The following RCBTB1 variants were observed in gnomAD, a reference collection of about 807,000 sequenced individuals.
The protein encoded by RCBTB1 is RCC1 and BTB domain containing protein 1.
RCBTB1 carries 46 observed loss-of-function variants against 62.4 expected under a neutral mutation model. That is an observed-to-expected ratio of 0.74 (90% CI 0.58 to 0.94). The LOEUF is 0.94. Among genes scored for constraint, RCBTB1 ranks in the 40% least tolerant of loss-of-function variants. The pLI is 0.00. For synonymous variants in RCBTB1, 222 were observed against 245.8 expected (o/e 0.90, Z 0.91); for missense variants, 565 against 654.9 (o/e 0.86, Z 1.50).
intron 2 of RCBTB1, among the ~76,000 whole-genome samples, chr13:49,573,895 T>C (rs530667549): frequency 2.0e-5 from 3 of 150,266 alleles, no homozygotes; most frequent in Non-Finnish European, 4.4e-5. Context: ...GCAATTCTTG[T>C]GCCTCAGCCT....
At chr13:49,550,525 A>G in intron 8 of RCBTB1, 2 of 441,754 alleles carry the variant, frequency 4.5e-6, no homozygotes, top group Non-Finnish European at 6.0e-6. Context: ...CATCTATTCC[A>G]GTAACACATA....
chr13:49,536,609 T>C (rs1229438480), intron 12 of RCBTB1, among the ~76,000 whole-genome samples: 5 of 152,106 alleles, frequency 3.3e-5, no homozygotes, highest in Admixed American at 3.3e-4. Flanking sequence ...AATAAAACAG[T>C]TCCAAGGAGG....
At chr13:49,568,861 G>A (rs1267200574) in intron 2 of RCBTB1, among the ~76,000 whole-genome samples, 5 of 152,142 alleles carry the variant, frequency 3.3e-5, no homozygotes, top group African/African-American at 4.8e-5. Context: ...CCCGGGAGGC[G>A]GAGGTTGCAG....
At chr13:49,571,977 C>T (rs112464061) in intron 2 of RCBTB1, among the ~76,000 whole-genome samples, 141 of 152,268 alleles carry the variant, frequency 9.3e-4, no homozygotes, top group African/African-American at 3.2e-3. Flanking sequence ...ATGAGTATTT[C>T]ATCTGTGATA....
Position 49,567,165 on chromosome 13 carries a change from C to A in RCBTB1, c.115G>T (p.Asp39Tyr). 6.2e-7 allele frequency: 1 copy of A among 1,614,016 alleles called. No homozygotes were observed. The highest frequency in any genetic ancestry group is 1.1e-5 in the South Asian group (1 of 91,042). Residue 39 changes from aspartate (D) to tyrosine (Y), a missense_variant, in exon 3 of 13, where the codon GAC (aspartate) becomes TAC (tyrosine). Coordinates refer to ENST00000378302, the MANE Select transcript of RCBTB1 (RefSeq NM_018191.4). ...CAAGAGACTCTTACCTCATCATTGTCAGTAACGTACAGTGCTTCACTGGCT... is the reference window on the plus strand; with the variant it reads ...CAAGAGACTCTTACCTCATCATTGTAAGTAACGTACAGTGCTTCACTGGCT... The part of the protein sequence containing the change: ...TSASEALYVT[D>Y]NDEVFVFGLN...
chr13:49,554,657 C>G (rs147290766), intron 6 of RCBTB1, among the ~76,000 whole-genome samples: 1,835 of 152,250 alleles, frequency 0.012, 38 homozygotes, highest in African/African-American at 0.041. Flanking sequence ...AAGATTCTCA[C>G]AGGAGCACGA....
At chr13:49,545,416 T>C (rs1335111970) in intron 9 of RCBTB1, among the ~76,000 whole-genome samples, 1 of 152,188 alleles carries the variant, frequency 6.6e-6, no homozygotes, top group East Asian at 1.9e-4. Context: ...AATCACTATA[T>C]GCATAATCCT....
chr13:49,547,975 C>T (rs558705020), intron 9 of RCBTB1, among the ~76,000 whole-genome samples: 5 of 152,076 alleles, frequency 3.3e-5, no homozygotes, highest in South Asian at 2.1e-4. Context: ...GATGGGGTTT[C>T]GCCATGTTGC....
intron 12 of RCBTB1, among the ~76,000 whole-genome samples, chr13:49,537,065 C>T (rs1195900606): frequency 6.6e-6 from 1 of 152,112 alleles, no homozygotes; most frequent in Admixed American, 6.5e-5. Context: ...CTTACCCTGT[C>T]CTAAAACTCC....
chr13:49,541,650 C>G (rs373888606), intron 11 of RCBTB1, 26 bp downstream of exon 11: 4 of 1,585,556 alleles, frequency 2.5e-6, no homozygotes, highest in Non-Finnish European at 3.4e-6. Flanking sequence ...CCATGCGGCT[C>G]GTCCATCCCA....
intron 4 of RCBTB1, among the ~76,000 whole-genome samples, chr13:49,563,447 G>C (rs761670182): frequency 1.3e-5 from 2 of 150,352 alleles, no homozygotes; most frequent in Non-Finnish European, 2.9e-5. Flanking sequence ...TGGATCACCT[G>C]AGGTCGGGAG....
chr13:49,556,758 C>T (rs1015516906), intron 5 of RCBTB1, among the ~76,000 whole-genome samples: 3 of 152,272 alleles, frequency 2.0e-5, no homozygotes, highest in East Asian at 3.9e-4. Flanking sequence ...AAATAACCTG[C>T]AACACCTCCT....
At position 49,541,712 on chromosome 13, in the gene RCBTB1, T is replaced by C. The variant is rs767667678; in HGVS notation, c.1288A>G (p.Thr430Ala). The part of the protein sequence containing the change: ...VYRAFLQYLY[T>A]DTVDLPPEDA... Reference sequence around the variant, plus strand: ...TCTGGCGGCAGGTCGACTGTGTCTGTGTAGAGGTACTGGAGAAAGGCACGA... The same window carrying C: ...TCTGGCGGCAGGTCGACTGTGTCTGCGTAGAGGTACTGGAGAAAGGCACGA... Residue 430 changes from threonine (T) to alanine (A), a missense_variant, in exon 11 of 13, where the codon ACA becomes GCA. By Grantham distance (58) the Thr-to-Ala change is moderately conservative. Coordinates refer to ENST00000378302, the MANE Select transcript of RCBTB1 (RefSeq NM_018191.4). 9 of 1,613,968 alleles carry C rather than the reference T, an allele frequency of 5.6e-6. No individual in the cohort carries two copies. The highest frequency in any genetic ancestry group is 7.6e-6 in the Non-Finnish European group (9 of 1,179,978).
intron 5 of RCBTB1, among the ~76,000 whole-genome samples, chr13:49,559,483 T>C (rs185224376): frequency 0.045 from 6,870 of 151,910 alleles, 154 homozygotes; most frequent in South Asian, 0.051. Context: ...GGTGAAACCC[T>C]GTCTCTACTA....
intron 12 of RCBTB1, among the ~76,000 whole-genome samples, chr13:49,539,059 A>G (rs949420165): frequency 7.2e-5 from 11 of 151,824 alleles, no homozygotes; most frequent in African/African-American, 9.7e-5. Flanking sequence ...TAGTAGAGAC[A>G]GGGTTTCACC....
intron 9 of RCBTB1, chr13:49,546,127 T>C: frequency 1.0e-6 from 1 of 985,364 alleles, no homozygotes; most frequent in Non-Finnish European, 1.2e-6. Flanking sequence ...GAGTCTAGAT[T>C]GCTACCCCCA....
At chr13:49,564,567 G>C (rs1283567445) in intron 4 of RCBTB1, among the ~76,000 whole-genome samples, 4 of 100,350 alleles carry the variant, frequency 4.0e-5, no homozygotes, top group Non-Finnish European at 5.4e-5. Flanking sequence ...CCTGGAGACA[G>C]AGCGAGACTC....
At chr13:49,573,621 C>T (rs11148153) in intron 2 of RCBTB1, among the ~76,000 whole-genome samples, 33,938 of 151,284 alleles carry the variant, frequency 0.22, 4,692 homozygotes, top group East Asian at 0.55. Context: ...GCTAATTTTG[C>T]ATTTTTTTAG....
chr13:49,541,889 T>C (rs928416792), intron 10 of RCBTB1, 62 bp from the exon 11 acceptor site: 2 of 1,492,224 alleles, frequency 1.3e-6, no homozygotes, highest in African/African-American at 1.4e-5. Context: ...GAAAAAAAAA[T>C]TACCTAATTA....
Sources: allele counts gnomAD v4.1 joint callset (sites outside exome capture counted in the v4.1 genomes callset), GRCh38; gene constraint gnomAD v4.1.1; transcripts MANE v1.5; gene names NCBI Gene and HGNC (gene_info 2026-07-23, HGNC 2026-07-21).